IL17B: variants seen among roughly 807,000 people sequenced by gnomAD.
IL17B encodes the protein interleukin-17B.
In IL17B, 14 loss-of-function variants were observed where a neutral mutation model predicts 14.7. That is an observed-to-expected ratio of 0.95 (90% confidence interval 0.63 to 1.49). IL17B has a LOEUF of 1.49. Among genes scored for constraint, IL17B ranks in the 40% most tolerant of loss-of-function variants. IL17B has a pLI of 0.00. For synonymous variants in IL17B, 105 were observed against 94.8 expected (o/e 1.11, Z -0.62); for missense variants, 233 against 252.8 (o/e 0.92, Z 0.53).
intron 1 of IL17B, among the ~76,000 whole-genome samples, chr5:149,397,233 GAT>G (rs1759110586): frequency 6.6e-6 from 1 of 151,912 alleles, no homozygotes; most frequent in Non-Finnish European, 1.5e-5. Context: ...GAAGTGGTGC[GAT>G]CTCTGCTCAC....
rs1561710059 is a variant in IL17B at position 149,376,842 on chromosome 5, TCTC to T, written c.202_204del (p.Glu68del). ...GAGCTGTTCCTCAGCTGGGCCACCA[TCTC>T]CTCGATGTTCCTCTCATACTCCTCC... On this transcript the variant is annotated inframe_deletion, in exon 2 of 3. Transcript: ENST00000261796. 1 of 1,614,144 alleles carries T rather than the reference TCTC, an allele frequency of 6.2e-7. No individual in the cohort carries two copies. The highest frequency in any genetic ancestry group is 8.5e-7 in the Non-Finnish European group (1 of 1,180,012).
At chr5:149,385,571 C>A (rs1297745568) in intron 1 of IL17B, among the ~76,000 whole-genome samples, 2 of 152,212 alleles carry the variant, frequency 1.3e-5, no homozygotes, top group Non-Finnish European at 2.9e-5. Flanking sequence ...GGAAGGAGTG[C>A]GAGAGAGCCT....
At chr5:149,381,926 G>A (rs763508976), upstream of IL17B, among the ~76,000 whole-genome samples, 20 of 152,196 alleles carry the variant, frequency 1.3e-4, no homozygotes, top group Admixed American at 2.6e-4. Flanking sequence ...GTCTTAACAC[G>A]CAGAGGGTGG....
intron 1 of IL17B, among the ~76,000 whole-genome samples, chr5:149,385,066 A>G (rs1191084065): frequency 6.7e-6 from 1 of 149,558 alleles, no homozygotes; most frequent in Non-Finnish European, 1.5e-5. Flanking sequence ...GGCATGCGCC[A>G]CCATGCCCAG....
rs201819236 is a variant in IL17B at position 149,392,955 on chromosome 5, T to C, written n.95+11153A>G. ...GTGTACGTGCGTGTGTGCGTGCGTG[T>C]GTGCGTGTGTGTGCGCGCGTGCGTG... On this transcript the variant is annotated intron_variant and non_coding_transcript_variant, in intron 1 of 2. Coordinates refer to the IL17B transcript ENST00000505432. 1.1e-4 allele frequency among the ~76,000 whole-genome samples: 16 copies of C among 150,762 alleles called. No homozygotes were observed. In the East Asian group the frequency reaches 2.0e-3, roughly 18 times the overall value.
intron 1 of IL17B, among the ~76,000 whole-genome samples, chr5:149,390,841 ATATT>A (rs1156701263): frequency 5.9e-5 from 9 of 151,908 alleles, no homozygotes; most frequent in Non-Finnish European, 1.2e-4. Flanking sequence ...TTATAAATAA[ATATT>A]TATTTTTAAA....
intron 2 of IL17B, among the ~76,000 whole-genome samples, chr5:149,375,716 GTC>G (rs1316001199): frequency 6.6e-6 from 1 of 151,932 alleles, no homozygotes; most frequent in Non-Finnish European, 1.5e-5. Context: ...GTGAGATCCT[GTC>G]TCTACAAAAA....
intron 1 of IL17B, among the ~76,000 whole-genome samples, chr5:149,386,976 G>A (rs1470744205): frequency 6.6e-6 from 1 of 152,226 alleles, no homozygotes; most frequent in African/African-American, 2.4e-5. Flanking sequence ...AAAGTGCTGG[G>A]ATTACAGACA....
At chr5:149,393,693 T>C (rs1448956984) in intron 1 of IL17B, among the ~76,000 whole-genome samples, 2 of 152,158 alleles carry the variant, frequency 1.3e-5, no homozygotes, top group Non-Finnish European at 2.9e-5. Context: ...TTCTTTTTTT[T>C]CTTCCTTCCT....
At chr5:149,384,908 G>A (rs1291000960) in intron 1 of IL17B, among the ~76,000 whole-genome samples, 1 of 148,326 alleles carries the variant, frequency 6.7e-6, no homozygotes, top group Non-Finnish European at 1.5e-5. Flanking sequence ...GGGTTGTTGA[G>A]CTTTTTTTTT....
At position 149,376,936 on chromosome 5, in the gene IL17B, G is replaced by A. The variant is rs1375462230; in HGVS notation, c.111C>T (p.Pro37=). The A allele has an allele frequency of 1.9e-6, 3 of 1,613,462 alleles. No individual in the cohort carries two copies. Among genetic ancestry groups the A allele is most frequent in the Non-Finnish European group, 1.7e-6 (2 of 1,179,782 alleles). The part of the protein sequence containing the change: ...SKRKGQGRPG[P]LAPGPHQVPL... ...GCACCTGGTGAGGGCCAGGGGCCAG[G>A]GGCCCAGGCCGCCCTTGCCCCTTCC... The change falls in exon 2 of 3, where the codon CCC becomes CCT. Residue 37 remains proline (P), a synonymous_variant. Coordinates refer to ENST00000261796, the MANE Select transcript of IL17B (RefSeq NM_014443.3).
intron 2 of IL17B, among the ~76,000 whole-genome samples, chr5:149,376,276 C>T (rs353267): frequency 0.11 from 17,104 of 152,236 alleles, 1,322 homozygotes; most frequent in Non-Finnish European, 0.16. Context: ...CTGGGCCTCA[C>T]CGCTGGAGGT....
intron 1 of IL17B, among the ~76,000 whole-genome samples, chr5:149,385,399 C>A (rs1758804668): frequency 6.6e-6 from 1 of 152,192 alleles, no homozygotes; most frequent in Admixed American, 6.5e-5. Flanking sequence ...CCGCCTCAGC[C>A]TCCCAAAGTG....
upstream of IL17B, among the ~76,000 whole-genome samples, chr5:149,379,928 G>T (rs541514380): frequency 6.6e-6 from 1 of 152,234 alleles, no homozygotes; most frequent in Admixed American, 6.5e-5. Flanking sequence ...TGTTTTTCTT[G>T]GGAGACTTTC....
At position 149,376,875 on chromosome 5, in the gene IL17B, G is replaced by A. The variant is rs566284760; in HGVS notation, c.172C>T (p.Arg58Cys). The change falls in exon 2 of 3, where the codon CGC becomes TGC. Residue 58 changes from arginine (R) to cysteine (C), a missense_variant. Coordinates refer to ENST00000261796, the MANE Select transcript of IL17B (RefSeq NM_014443.3). The stretch of plus-strand genomic sequence containing the variant: ...ATGTTCCTCTCATACTCCTCCATGC[G>A]GGCATACGGTTTCATCCGTGACACC... ...DLVSRMKPYA[R>C]MEEYERNIEE... 178 of 1,614,136 alleles carry A rather than the reference G, an allele frequency of 1.1e-4. No individual in the cohort carries two copies. The South Asian group carries it at 1.3e-3, about 11-fold the overall frequency.
At chr5:149,390,630 C>CACACACAGAGAGAGAG (rs1491235916) in intron 1 of IL17B, among the ~76,000 whole-genome samples, 8 of 132,084 alleles carry the variant, frequency 6.1e-5, no homozygotes, top group African/African-American at 2.3e-4. Context: ...CACACACACA[C>CACACACAGAGAGAGAG]AGAGATACAC....
intron 1 of IL17B, among the ~76,000 whole-genome samples, chr5:149,392,845 C>T (rs918474994): frequency 8.5e-5 from 13 of 152,178 alleles, no homozygotes; most frequent in Admixed American, 2.0e-4. Flanking sequence ...GAGTCAATAA[C>T]GTCATCTAGA....
intron 1 of IL17B, among the ~76,000 whole-genome samples, chr5:149,397,632 C>A (rs950223666): frequency 6.6e-6 from 1 of 152,148 alleles, no homozygotes; most frequent in Non-Finnish European, 1.5e-5. Flanking sequence ...TATTAGTCAG[C>A]GTTCTCTAGA....
chr5:149,394,340 A>G (rs557806772), intron 1 of IL17B, among the ~76,000 whole-genome samples: 1 of 152,342 alleles, frequency 6.6e-6, no homozygotes, highest in East Asian at 1.9e-4. Context: ...AAGATCAATA[A>G]AAAACTGCAA....
Sources: gnomAD v4.1 joint callset for allele counts (sites outside exome capture counted in the v4.1 genomes callset) on GRCh38, gnomAD v4.1.1 for gene constraint, MANE v1.5 for transcripts, NCBI Gene and HGNC (gene_info 2026-07-23, HGNC 2026-07-21) for gene names.